The following TAX1BP1 variants were observed in gnomAD, a reference collection of about 807,000 sequenced individuals.
The protein encoded by TAX1BP1 is tax1-binding protein 1.
TAX1BP1 carries 62 observed loss-of-function variants against 97.7 expected under a neutral mutation model. That is an observed-to-expected ratio of 0.63 (90% CI 0.52 to 0.78). The LOEUF (loss-of-function observed/expected upper bound fraction) is 0.78. Among genes scored for constraint, TAX1BP1 ranks in the 30% least tolerant of loss-of-function variants. The pLI is 0.00. For synonymous variants in TAX1BP1, 340 were observed against 304.2 expected (o/e 1.12, Z -1.23); for missense variants, 867 against 916.1 (o/e 0.95, Z 0.69).
Position 27,808,548 on chromosome 7 carries a change from C to T in TAX1BP1, c.1765-7801C>T, listed in dbSNP as rs552496564. Among the ~76,000 whole-genome samples, 19 of 152,246 alleles carry T rather than the reference C, an allele frequency of 1.2e-4. No individual in the cohort carries two copies. In the South Asian group the frequency reaches 3.9e-3, roughly 32 times the overall value. Reference sequence around the variant, plus strand: ...GTTGTCCTATGGTGTACTCTCCGCGCTCCTTTACTCTCAGAACATTCCCAT... The same window carrying T: ...GTTGTCCTATGGTGTACTCTCCGCGTTCCTTTACTCTCAGAACATTCCCAT... On this transcript the variant is annotated intron_variant, in intron 13 of 16. Coordinates refer to ENST00000396319, the MANE Select transcript of TAX1BP1 (RefSeq NM_006024.7).
chr7:27,794,517 T>C, intron 11 of TAX1BP1, 71 bp downstream of exon 11: 1 of 1,408,306 alleles, frequency 7.1e-7, no homozygotes, highest in East Asian at 2.4e-5. Flanking sequence ...TTCTTCCATG[T>C]GTTAGAATTT....
In TAX1BP1 at chr7:27,829,540, A is replaced by C. The variant is rs1236038479; in HGVS notation, c.*711A>C. ...ATGTCAGTATAATTGTTTTCCTATT[A>C]AATGATCTCATAACAGGGGTGTTTG... On this transcript the variant is annotated 3_prime_UTR_variant, in exon 17 of 17. Transcript: ENST00000396319. The C allele has an allele frequency of 2.6e-5, 4 of 152,226 alleles. No individual in the cohort carries two copies. The highest frequency in any genetic ancestry group is 6.5e-5 in the Admixed American group (1 of 15,278). The allele number at this position is 152,226 out of a possible 1,614,324, so 9.4% of individuals were successfully genotyped here. A position where few individuals can be genotyped will look rare whatever the true frequency, so the allele number is the denominator to read the frequency against.
chr7:27,764,630 CTG>C lies in TAX1BP1; in HGVS notation c.266-1201_266-1200del, dbSNP rs200514296. Among the ~76,000 whole-genome samples the C allele has an allele frequency of 3.9e-3, 587 of 152,216 alleles. 2 individuals are homozygous for C. The highest frequency in any genetic ancestry group is 0.02 in the Middle Eastern group (6 of 294). The stretch of plus-strand genomic sequence containing the variant: ...ATATTATGAGGGAGCTACTTTGAGA[CTG>C]TGGAAATATCTTGTTTCTCCTCATA... On this transcript the variant is annotated intron_variant, in intron 3 of 16. Transcript: ENST00000396319.
intron 2 of TAX1BP1, among the ~76,000 whole-genome samples, chr7:27,756,732 A>G (rs1292340685): frequency 6.6e-6 from 1 of 152,122 alleles, no homozygotes; most frequent in Non-Finnish European, 1.5e-5. Flanking sequence ...TTTTAGGTTC[A>G]TTACCTAATT....
chr7:27,766,164 T>A, intron 4 of TAX1BP1, 143 bp downstream of exon 4: 1 of 784,882 alleles, frequency 1.3e-6, no homozygotes, highest in Non-Finnish European at 2.0e-6. Context: ...CTCACGCCTG[T>A]AATCCCGGCA....
intron 15 of TAX1BP1, among the ~76,000 whole-genome samples, chr7:27,825,235 CTTTTTT>C (rs767330487): frequency 2.1e-5 from 3 of 139,710 alleles, no homozygotes; most frequent in African/African-American, 7.8e-5. Context: ...TTCCCAGTAG[CTTTTTT>C]TTTTTTTTAA....
chr7:27,750,826 C>G (rs1787992483), intron 2 of TAX1BP1, among the ~76,000 whole-genome samples: 1 of 152,162 alleles, frequency 6.6e-6, no homozygotes, highest in Non-Finnish European at 1.5e-5. Context: ...TTACATATTT[C>G]TAAATCCTTA....
chr7:27,811,632 G>T lies in TAX1BP1; in HGVS notation c.1765-4717G>T, dbSNP rs78720873. Among the ~76,000 whole-genome samples, 131 of 151,748 alleles carry T rather than the reference G, an allele frequency of 8.6e-4. 2 individuals are homozygous for T. Among genetic ancestry groups the T allele is most frequent in the African/African-American group, 2.8e-3 (114 of 41,352 alleles). ...GTTAAGGTGCAGTTTACATGTAATA[G>T]AATCTGTTCATTTAAATAGAGTTTG... On this transcript the variant is annotated intron_variant, in intron 13 of 16. Coordinates refer to ENST00000396319, the MANE Select transcript of TAX1BP1 (RefSeq NM_006024.7).
chr7:27,780,988 T>G (rs1789232133), intron 5 of TAX1BP1, among the ~76,000 whole-genome samples: 1 of 152,068 alleles, frequency 6.6e-6, no homozygotes, highest in Admixed American at 6.6e-5. Flanking sequence ...CTACCCTAAA[T>G]TTTTTTACTT....
intron 15 of TAX1BP1, among the ~76,000 whole-genome samples, chr7:27,823,009 T>C (rs1461701550): frequency 6.6e-6 from 1 of 152,216 alleles, no homozygotes; most frequent in Non-Finnish European, 1.5e-5. Flanking sequence ...AAATTATTTT[T>C]AATTTTTGAA....
intron 15 of TAX1BP1, among the ~76,000 whole-genome samples, chr7:27,826,773 C>G (rs1449465178): frequency 6.6e-6 from 1 of 152,210 alleles, no homozygotes; most frequent in African/African-American, 2.4e-5. Flanking sequence ...TTTTAGAAGT[C>G]TCACTTGACA....
chr7:27,783,767 A>C (rs1173720842), intron 5 of TAX1BP1, among the ~76,000 whole-genome samples: 1 of 152,210 alleles, frequency 6.6e-6, no homozygotes, highest in African/African-American at 2.4e-5. Context: ...TAAAACTAAA[A>C]ATAAAAAAAA....
At chr7:27,793,286 T>C in intron 10 of TAX1BP1, 74 bp downstream of exon 10, 1 of 1,274,752 alleles carries the variant, frequency 7.8e-7, no homozygotes, top group Non-Finnish European at 1.1e-6. Flanking sequence ...TTTGTAATAT[T>C]CCAAATATCA....
chr7:27,806,737 G>A (rs1790356451), intron 13 of TAX1BP1, among the ~76,000 whole-genome samples: 2 of 152,026 alleles, frequency 1.3e-5, no homozygotes, highest in Admixed American at 1.3e-4. Flanking sequence ...CTTTTCTCTT[G>A]AAGGGTTAGT....
At chr7:27,814,938 C>T (rs549093638) in intron 13 of TAX1BP1, among the ~76,000 whole-genome samples, 165 of 152,174 alleles carry the variant, frequency 1.1e-3, no homozygotes, top group Non-Finnish European at 2.1e-3. Flanking sequence ...GGGATTCCAC[C>T]GTGTTAGCCA....
At chr7:27,745,864 A>C (rs972212801) in intron 1 of TAX1BP1, among the ~76,000 whole-genome samples, 4 of 152,104 alleles carry the variant, frequency 2.6e-5, no homozygotes, top group Admixed American at 2.6e-4. Flanking sequence ...TTCTTTTTAC[A>C]CACATCCCTT....
intron 13 of TAX1BP1, among the ~76,000 whole-genome samples, chr7:27,813,138 T>C (rs1236084154): frequency 6.7e-6 from 1 of 149,736 alleles, no homozygotes; most frequent in African/African-American, 2.4e-5. Flanking sequence ...CCTCCAACTT[T>C]GTTCTGCTTT....
chr7:27,781,658 A>C (rs953965490), intron 5 of TAX1BP1, among the ~76,000 whole-genome samples: 2 of 152,164 alleles, frequency 1.3e-5, no homozygotes, highest in African/African-American at 4.8e-5. Context: ...GCATTGCTGT[A>C]CACTACTGTA....
chr7:27,777,429 G>A (rs1441152331), intron 5 of TAX1BP1, among the ~76,000 whole-genome samples: 1 of 152,102 alleles, frequency 6.6e-6, no homozygotes, highest in East Asian at 1.9e-4. Flanking sequence ...AGAGAATACT[G>A]TAATTGTTCT....
Sources: allele counts gnomAD v4.1 joint callset (sites outside exome capture counted in the v4.1 genomes callset), GRCh38; gene constraint gnomAD v4.1.1; transcripts MANE v1.5; gene names NCBI Gene and HGNC (gene_info 2026-07-23, HGNC 2026-07-21).